Variants in NR3C2 observed in about 807,000 individuals in gnomAD.
The protein encoded by NR3C2 is nuclear receptor subfamily 3 group C member 2.
Under a neutral mutation model 86.4 loss-of-function variants are expected in NR3C2, and 15 were observed. The observed-to-expected ratio is 0.17, with a 90% confidence interval of 0.12 to 0.27. The LOEUF is 0.27. Among genes scored for constraint, NR3C2 ranks in the 10% least tolerant of loss-of-function variants. NR3C2 has a pLI of 1.00. For synonymous variants in NR3C2, 458 were observed against 450.5 expected (o/e 1.02, Z -0.21); for missense variants, 960 against 1,195.6 (o/e 0.80, Z 2.91).
chr4:148,411,823 T>C (rs1463144642), intron 2 of NR3C2, among the ~76,000 whole-genome samples: 1 of 152,226 alleles, frequency 6.6e-6, no homozygotes, highest in East Asian at 1.9e-4. Context: ...ATAGTTTTCC[T>C]TTATCTTGCT....
intron 2 of NR3C2, among the ~76,000 whole-genome samples, chr4:148,331,785 A>T (rs1199030779): frequency 6.6e-6 from 1 of 152,222 alleles, no homozygotes; most frequent in Non-Finnish European, 1.5e-5. Context: ...AATCTTACAG[A>T]GGACAAGTGA....
upstream of NR3C2, chr4:148,442,505 G>C (rs749300160): frequency 7.0e-4 from 222 of 316,780 alleles, 1 homozygote; most frequent in Non-Finnish European, 9.2e-4. Flanking sequence ...GGGCCAGCTG[G>C]AGGGCTGGCC....
intron 2 of NR3C2, among the ~76,000 whole-genome samples, chr4:148,387,943 C>T (rs770121370): frequency 1.3e-5 from 2 of 152,158 alleles, no homozygotes; most frequent in African/African-American, 2.4e-5. Context: ...TATTTTGTGG[C>T]CAGAAACCTG....
At chr4:148,346,913 G>T (rs974986751) in intron 2 of NR3C2, among the ~76,000 whole-genome samples, 1 of 152,118 alleles carries the variant, frequency 6.6e-6, no homozygotes, top group Non-Finnish European at 1.5e-5. Context: ...AAGCACTAAT[G>T]AGAGTTTGTC....
intron 2 of NR3C2, among the ~76,000 whole-genome samples, chr4:148,305,357 C>A (rs1742562019): frequency 6.6e-6 from 1 of 152,060 alleles, no homozygotes; most frequent in African/African-American, 2.4e-5. Flanking sequence ...CAACAGTCAG[C>A]CTTTCAGAAA....
chr4:148,200,377 C>T (rs1300507483), intron 3 of NR3C2, among the ~76,000 whole-genome samples: 1 of 149,950 alleles, frequency 6.7e-6, no homozygotes, highest in African/African-American at 2.4e-5. Context: ...TTCCCGCCTG[C>T]TATATGCCCA....
chr4:148,353,774 A>T (rs1026743693), intron 2 of NR3C2, among the ~76,000 whole-genome samples: 1 of 152,170 alleles, frequency 6.6e-6, no homozygotes, highest in Non-Finnish European at 1.5e-5. Flanking sequence ...AGAGGATCTA[A>T]TATCATTCTT....
chr4:148,365,420 CA>C lies in NR3C2; in HGVS notation c.1757+69683del, dbSNP rs533352404. 8.5e-5 allele frequency among the ~76,000 whole-genome samples: 13 copies of C among 152,276 alleles called. 1 individual carries two copies. The South Asian group carries it at 2.7e-3, about 32-fold the overall frequency. Reference sequence around the variant, plus strand: ...CTGGTAAAACCAGCTCTAGAATACTCATTTCCTTGGTTCCCCTACCCAGAAT... The same window carrying C: ...CTGGTAAAACCAGCTCTAGAATACTCTTTCCTTGGTTCCCCTACCCAGAAT... On this transcript the variant is annotated intron_variant, in intron 2 of 8. Transcript: ENST00000358102.
At chr4:148,434,086 T>C (rs1267543657) in intron 2 of NR3C2, among the ~76,000 whole-genome samples, 1 of 152,174 alleles carries the variant, frequency 6.6e-6, no homozygotes, top group Non-Finnish European at 1.5e-5. Context: ...ATCCTGTTAA[T>C]GGGATGGACA....
chr4:148,355,331 C>T (rs1222795211), intron 2 of NR3C2, among the ~76,000 whole-genome samples: 1 of 152,188 alleles, frequency 6.6e-6, no homozygotes, highest in Non-Finnish European at 1.5e-5. Context: ...AAATCTGACA[C>T]ATAAGCACCA....
intron 2 of NR3C2, among the ~76,000 whole-genome samples, chr4:148,287,372 T>TA (rs1741577254): frequency 6.6e-6 from 1 of 152,186 alleles, no homozygotes; most frequent in South Asian, 2.1e-4. Flanking sequence ...CAAGCTGTCT[T>TA]ACAATTTCAC....
intron 2 of NR3C2, among the ~76,000 whole-genome samples, chr4:148,398,924 G>C (rs953227532): frequency 6.6e-6 from 1 of 152,188 alleles, no homozygotes; most frequent in African/African-American, 2.4e-5. Context: ...TTTGGGGAAG[G>C]CCTCTTAAGG....
At chr4:148,398,463 G>A (rs758481700) in intron 2 of NR3C2, among the ~76,000 whole-genome samples, 1 of 152,152 alleles carries the variant, frequency 6.6e-6, no homozygotes, top group African/African-American at 2.4e-5. Context: ...AACCACTGGG[G>A]TGTAATTTTA....
At chr4:148,206,659 G>A (rs1237127588) in intron 3 of NR3C2, among the ~76,000 whole-genome samples, 1 of 152,182 alleles carries the variant, frequency 6.6e-6, no homozygotes, top group Non-Finnish European at 1.5e-5. Flanking sequence ...ATGTGGAGTT[G>A]AAGATTAGAA....
At position 148,259,962 on chromosome 4, in the gene NR3C2, C is replaced by T. The variant is rs1740013996; in HGVS notation, c.1897+16G>A. 1 of 1,613,860 alleles carries T rather than the reference C, an allele frequency of 6.2e-7. No individual in the cohort carries two copies. Among genetic ancestry groups the T allele is most frequent in the Non-Finnish European group, 8.5e-7 (1 of 1,179,956 alleles). On this transcript the variant is annotated intron_variant, in intron 3 of 8. Coordinates refer to ENST00000358102, the MANE Select transcript of NR3C2 (RefSeq NM_000901.5). ...AGGAAAAAATATGTAAAAGGAACAC[C>T]CACATGAACATTTACCTTCCACTGC...
At chr4:148,157,212 G>A (rs539029021) in intron 4 of NR3C2, among the ~76,000 whole-genome samples, 7 of 149,670 alleles carry the variant, frequency 4.7e-5, no homozygotes, top group South Asian at 4.3e-4. Context: ...GCTAAATGAC[G>A]AGTTAATGGG....
chr4:148,111,792 C>T (rs899460400), intron 8 of NR3C2, among the ~76,000 whole-genome samples: 1 of 152,122 alleles, frequency 6.6e-6, no homozygotes, highest in South Asian at 2.1e-4. Context: ...AAACTAATCT[C>T]GATTCACAGA....
Position 148,080,008 on chromosome 4 carries a change from G to A in NR3C2, c.*1336C>T, listed in dbSNP as rs1006014174. ...GGAGAAAATCTGATTTTCTAAAATG[G>A]GAGGAAAAGATGCTCTCTGAGCCAT... On this transcript the variant is annotated 3_prime_UTR_variant, in exon 9 of 9. Transcript: ENST00000358102. 6.6e-6 allele frequency: 1 copy of A among 152,150 alleles called. No individual in the cohort carries two copies. Among genetic ancestry groups the A allele is most frequent in the Non-Finnish European group, 1.5e-5 (1 of 68,042 alleles). The allele number at this position is 152,150 out of a possible 1,614,324, so 9.4% of individuals were successfully genotyped here. A position where few individuals can be genotyped will look rare whatever the true frequency, so the allele number is the denominator to read the frequency against.
At chr4:148,082,050 C>G (rs1730588287) in intron 8 of NR3C2, among the ~76,000 whole-genome samples, 1 of 152,246 alleles carries the variant, frequency 6.6e-6, no homozygotes, top group African/African-American at 2.4e-5. Context: ...CCTGCAGCCC[C>G]AGGCCCTCTT....
Sources: gnomAD v4.1 joint callset for allele counts (sites outside exome capture counted in the v4.1 genomes callset) on GRCh38, gnomAD v4.1.1 for gene constraint, MANE v1.5 for transcripts, NCBI Gene and HGNC (gene_info 2026-07-23, HGNC 2026-07-21) for gene names.